The following DOCK7 variants were observed in gnomAD, a reference collection of about 807,000 sequenced individuals.
The protein encoded by DOCK7 is dedicator of cytokinesis 7.
A neutral mutation model predicts 271.0 loss-of-function variants in DOCK7; 138 were observed. The ratio of observed to expected loss-of-function variants is 0.51; its 90% CI spans 0.44 to 0.59. The LOEUF (loss-of-function observed/expected upper bound fraction) is 0.59. Among genes scored for constraint, DOCK7 ranks in the 20% least tolerant of loss-of-function variants. The probability of loss-of-function intolerance (pLI) is 0.00; values close to 1 mark genes in which losing one functional copy is unlikely to be tolerated. For missense variants in DOCK7, 2,066 were observed against 2,592.4 expected, an observed-to-expected ratio of 0.80 and a Z score of 4.41; for synonymous variants, 823 against 876.1, an observed-to-expected ratio of 0.94 and a Z score of 1.07.
chr1:62,481,163 G>C (rs1646114478), intron 43 of DOCK7, among the ~76,000 whole-genome samples: 1 of 152,168 alleles, frequency 6.6e-6, no homozygotes, highest in African/African-American at 2.4e-5. Flanking sequence ...CCAGTGCAAA[G>C]ATCAGGAGGC....
intron 43 of DOCK7, chr1:62,482,310 TA>T (rs1646150389): frequency 6.6e-6 from 1 of 151,764 alleles, no homozygotes; most frequent in African/African-American, 2.4e-5. Context: ...AGTGGGAAGT[TA>T]AACTCTAATA....
At chr1:62,609,373 A>T (rs1651452271) in intron 14 of DOCK7, 1 of 152,200 alleles carries the variant, frequency 6.6e-6, no homozygotes, top group South Asian at 2.1e-4. Flanking sequence ...AATTTGAAAG[A>T]GCAATAAATT....
intron 23 of DOCK7, among the ~76,000 whole-genome samples, chr1:62,543,947 T>C (rs1289459822): frequency 1.3e-5 from 2 of 152,200 alleles, no homozygotes; most frequent in Admixed American, 1.3e-4. Context: ...CTTCTATATA[T>C]TTTTGGTCTT....
At chr1:62,608,826 C>T (rs1651372375) in intron 14 of DOCK7, 1 of 150,700 alleles carries the variant, frequency 6.6e-6, no homozygotes, top group East Asian at 1.9e-4. Flanking sequence ...TCTTTACTTC[C>T]TAATAGCATA....
At chr1:62,485,681 G>T in intron 43 of DOCK7, 1 of 985,316 alleles carries the variant, frequency 1.0e-6, no homozygotes, top group Non-Finnish European at 1.2e-6. Flanking sequence ...TAGTAAAAGT[G>T]GGGAGTAGGG....
At chr1:62,594,838 T>C (rs925578872) in intron 14 of DOCK7, among the ~76,000 whole-genome samples, 3 of 152,170 alleles carry the variant, frequency 2.0e-5, no homozygotes, top group Non-Finnish European at 4.4e-5. Context: ...GGCCCATCTA[T>C]ATTCTCCCTC....
rs570340818 is a variant in DOCK7, at chr1:62,505,600, C to T, written c.4611+82G>A. ...ATTAATATATTACTACATATATTAA[C>T]CAATGAATGTGTCAAATGATCTTAG... is the stretch of plus-strand genomic sequence containing the variant. On this transcript the variant is annotated intron_variant, in intron 36 of 49. Transcript: ENST00000635253. 6.6e-5 allele frequency: 93 copies of T among 1,410,048 alleles called. No homozygotes were observed. The East Asian group carries it at 2.1e-3, about 32-fold the overall frequency. 87.3% of individuals were successfully genotyped at this position (1,410,048 alleles called of 1,614,324 possible).
At chr1:62,504,520 A>C in intron 37 of DOCK7, 110 bp downstream of exon 37, 1 of 1,177,506 alleles carries the variant, frequency 8.5e-7, no homozygotes, top group Non-Finnish European at 1.2e-6. Context: ...CTATGATTAG[A>C]CTAAAAATAT....
intron 18 of DOCK7, among the ~76,000 whole-genome samples, chr1:62,567,992 TCA>T (rs1436557066): frequency 6.6e-6 from 1 of 152,044 alleles, no homozygotes; most frequent in Non-Finnish European, 1.5e-5. Context: ...CTAAAACTGA[TCA>T]CATAATTGGA....
At position 62,648,313 on chromosome 1, in the gene DOCK7, G is replaced by T; in HGVS notation, c.525C>A (p.Asp175Glu). The change falls in exon 6 of 50, where the codon GAC (aspartate) becomes GAA (glutamate). Residue 175 changes from aspartate to glutamate, a missense_variant. Physicochemically the swap from Asp to Glu is conservative, Grantham distance 45. This residue lies in a region of DOCK7 where 1,414 missense variants were observed against 1,670.4 expected (regional missense o/e 0.85). Transcript: ENST00000635253. ...CTATTGACATTGAACGTCTTTTAAG[G>T]TCATCCTGTCATGCAAAACATTAAA... is the stretch of plus-strand genomic sequence containing the variant. ...DGNSYQDDQD[D>E]LKRRSMSIDD... 1 of 1,591,360 alleles carries T rather than the reference G, an allele frequency of 6.3e-7. No individual in the cohort carries two copies.
chr1:62,612,622 CCTTTA>C (rs1329779226), intron 14 of DOCK7, among the ~76,000 whole-genome samples: 3 of 151,774 alleles, frequency 2.0e-5, no homozygotes, highest in Admixed American at 6.6e-5. Flanking sequence ...TAATTTGTTC[CCTTTA>C]CTTTTATAAT....
chr1:62,455,614 A>C (rs1645325531), intron 49 of DOCK7, 158 bp from the exon 50 acceptor site: 1 of 657,892 alleles, frequency 1.5e-6, no homozygotes. Context: ...ACTCTGCCTT[A>C]TATTTTGGCT....
chr1:62,496,747 C>T (rs960013449), intron 37 of DOCK7, among the ~76,000 whole-genome samples: 1 of 152,014 alleles, frequency 6.6e-6, no homozygotes, highest in South Asian at 2.1e-4. Flanking sequence ...AGAAATTCTG[C>T]TTATCTCTTT....
At chr1:62,579,498 T>C (rs1415902283) in intron 16 of DOCK7, among the ~76,000 whole-genome samples, 1 of 151,796 alleles carries the variant, frequency 6.6e-6, no homozygotes, top group Non-Finnish European at 1.5e-5. Flanking sequence ...TGGGAGGCTG[T>C]GGCGTCAGGA....
intron 16 of DOCK7, among the ~76,000 whole-genome samples, 185 bp downstream of exon 16, chr1:62,582,999 A>G (rs927552249): frequency 6.6e-6 from 1 of 152,262 alleles, no homozygotes; most frequent in South Asian, 2.1e-4. Context: ...TTTGGTGTAC[A>G]AAGTCATATT....
At chr1:62,634,548 G>GAT (rs1004454557) in intron 9 of DOCK7, 8 of 348,398 alleles carry the variant, frequency 2.3e-5, no homozygotes, top group African/African-American at 1.1e-4. Flanking sequence ...ACAGATCTAA[G>GAT]ATATATATAT....
chr1:62,533,869 G>T (rs1429653461), intron 29 of DOCK7, among the ~76,000 whole-genome samples: 1 of 151,952 alleles, frequency 6.6e-6, no homozygotes, highest in Non-Finnish European at 1.5e-5. Context: ...CTTGCATGAG[G>T]CTAAACTGCA....
At chr1:62,635,917 G>C (rs971527774) in intron 8 of DOCK7, among the ~76,000 whole-genome samples, 11 of 152,084 alleles carry the variant, frequency 7.2e-5, no homozygotes, top group Admixed American at 5.9e-4. Context: ...CACCCGGCCA[G>C]CACTTCAAGT....
chr1:62,514,180 A>AT (rs1435631360), intron 31 of DOCK7, among the ~76,000 whole-genome samples: 1 of 152,156 alleles, frequency 6.6e-6, no homozygotes, highest in East Asian at 1.9e-4. Context: ...AAACATAAAG[A>AT]TAAAAACTAA....
Sources: gnomAD v4.1 joint callset for allele counts (sites outside exome capture counted in the v4.1 genomes callset) on GRCh38, gnomAD v4.1.1 for gene constraint, gnomAD v4.1.1 regional missense constraint, MANE v1.5 for transcripts, NCBI Gene and HGNC (gene_info 2026-07-23, HGNC 2026-07-21) for gene names.